Variants in COG5 observed in about 807,000 individuals in gnomAD.
The protein encoded by COG5 is conserved oligomeric Golgi complex subunit 5.
Under a neutral mutation model 110.4 loss-of-function variants are expected in COG5, and 86 were observed. That is an observed-to-expected ratio of 0.78 (90% CI 0.65 to 0.93). COG5 has a LOEUF of 0.93. Ranked by LOEUF, COG5 falls within the 40% of genes least tolerant of loss-of-function variation. COG5 has a pLI of 0.00. For synonymous variants in COG5, 360 were observed against 334.6 expected, an observed-to-expected ratio of 1.08 and a Z score of -0.83; for missense variants, 1,077 against 987.0, an observed-to-expected ratio of 1.09 and a Z score of -1.22.
At chr7:107,314,796 T>C (rs566726791) in intron 11 of COG5, among the ~76,000 whole-genome samples, 1 of 152,172 alleles carries the variant, frequency 6.6e-6, no homozygotes, top group African/African-American at 2.4e-5. Flanking sequence ...ATGCAGGATT[T>C]TAATCAGAAA....
intron 21 of COG5, among the ~76,000 whole-genome samples, chr7:107,205,990 T>C (rs1204660698): frequency 6.6e-6 from 1 of 151,754 alleles, no homozygotes; most frequent in Non-Finnish European, 1.5e-5. Flanking sequence ...AGACGGAGTC[T>C]TGCTCTGTCG....
At chr7:107,327,137 C>T (rs550944153) in intron 10 of COG5, among the ~76,000 whole-genome samples, 18 of 152,102 alleles carry the variant, frequency 1.2e-4, no homozygotes, top group Middle Eastern at 3.4e-3. Context: ...AAAAAATAAA[C>T]GATCAAGTAT....
At chr7:107,534,224 A>G (rs935729424) in intron 5 of COG5, among the ~76,000 whole-genome samples, 4 of 151,716 alleles carry the variant, frequency 2.6e-5, no homozygotes, top group Admixed American at 1.3e-4. Context: ...ACCAAAAGTT[A>G]AAGACCATCA....
chr7:107,281,264 A>T, intron 14 of COG5, 36 bp downstream of exon 14: 1 of 1,333,678 alleles, frequency 7.5e-7, no homozygotes, highest in Non-Finnish European at 1.1e-6. Context: ...TTTTAAATAA[A>T]ATCATTAAAG....
intron 6 of COG5, among the ~76,000 whole-genome samples, chr7:107,495,879 T>C (rs531746687): frequency 2.7e-4 from 41 of 152,048 alleles, no homozygotes; most frequent in Admixed American, 2.2e-3. Context: ...CCAGACTAGA[T>C]GACTTCACAG....
At chr7:107,558,398 GACCAGCCTGGCCA>G in intron 1 of COG5, among the ~76,000 whole-genome samples, 1 of 151,874 alleles carries the variant, frequency 6.6e-6, no homozygotes, top group South Asian at 2.1e-4. Flanking sequence ...AGGTGTTCAA[GACCAGCCTGGCCA>G]ACATGGTGAA....
chr7:107,521,080 T>C (rs1053255929), intron 6 of COG5, among the ~76,000 whole-genome samples: 1 of 152,246 alleles, frequency 6.6e-6, no homozygotes. Context: ...CTGGGAAAAC[T>C]GGCTAGCCGT....
intron 6 of COG5, among the ~76,000 whole-genome samples, chr7:107,514,329 T>TACACACACACACAC (rs61351697): frequency 6.2e-5 from 9 of 145,742 alleles, no homozygotes; most frequent in African/African-American, 2.3e-4. Context: ...TGGCCTATTT[T>TACACACACACACAC]ACACACACAC....
At chr7:107,563,638 G>A in intron 1 of COG5, 165 bp downstream of exon 1, 1 of 755,664 alleles carries the variant, frequency 1.3e-6, no homozygotes, top group Non-Finnish European at 2.3e-6. Flanking sequence ...AGAGTAAATA[G>A]GTTGGCTAGA....
intron 11 of COG5, among the ~76,000 whole-genome samples, chr7:107,305,242 CTGT>C (rs1158952976): frequency 3.3e-5 from 5 of 152,138 alleles, no homozygotes; most frequent in African/African-American, 9.7e-5. Context: ...AGAGAACTGC[CTGT>C]TGTTTGGAGG....
chr7:107,528,986 T>C (rs1312914357), intron 5 of COG5, among the ~76,000 whole-genome samples: 1 of 144,446 alleles, frequency 6.9e-6, no homozygotes, highest in African/African-American at 2.7e-5. Flanking sequence ...CATGTTTACC[T>C]GACTGCTTTT....
At chr7:107,553,057 C>T (rs1207809664) in intron 3 of COG5, among the ~76,000 whole-genome samples, 3 of 152,084 alleles carry the variant, frequency 2.0e-5, no homozygotes, top group African/African-American at 7.2e-5. Context: ...GGGAGCTAAA[C>T]ATTGGGTACT....
intron 11 of COG5, among the ~76,000 whole-genome samples, chr7:107,322,477 A>T (rs1212559398): frequency 1.3e-5 from 2 of 152,176 alleles, no homozygotes; most frequent in African/African-American, 2.4e-5. Context: ...AGCCCAAATG[A>T]ACTAAGAAAG....
At chr7:107,364,767 G>A (rs1813446780) in intron 8 of COG5, among the ~76,000 whole-genome samples, 1 of 152,114 alleles carries the variant, frequency 6.6e-6, no homozygotes, top group Non-Finnish European at 1.5e-5. Flanking sequence ...TGTACCTTTA[G>A]CAAACAGATG....
intron 7 of COG5, among the ~76,000 whole-genome samples, chr7:107,389,722 T>C (rs932243398): frequency 6.6e-6 from 1 of 152,120 alleles, no homozygotes; most frequent in Non-Finnish European, 1.5e-5. Context: ...CAGCATTTCA[T>C]TGCCACGTCC....
intron 17 of COG5, among the ~76,000 whole-genome samples, chr7:107,243,611 T>C (rs1801823073): frequency 6.6e-6 from 1 of 150,676 alleles, no homozygotes; most frequent in Non-Finnish European, 1.5e-5. Flanking sequence ...AGATAGATCA[T>C]CAAGGCAGAA....
rs530323655 is a variant in COG5, at chr7:107,414,703, CTTTTTTTTTTTTTTTTTTTTTTTTTTT to C, written c.539-2098_539-2072del. Among the ~76,000 whole-genome samples the C allele has an allele frequency of 1.6e-4, 10 of 61,716 alleles. No homozygotes were observed. In the East Asian group the frequency reaches 2.0e-3, roughly 12 times the overall value. The allele number at this position is 61,716 out of a possible 152,430, so 40.5% of individuals were successfully genotyped here. A position where few individuals can be genotyped will look rare whatever the true frequency, so the allele number is the denominator to read the frequency against. ...ATTGATTCCAAAATCCTCACTGTCC[CTTTTTTTTTTTTTTTTTTTTTTTTTTT>C]TTTTTTTTTTTTTCCGAGACTCAGT... On this transcript the variant is annotated intron_variant, in intron 6 of 21. Coordinates refer to ENST00000297135, the MANE Select transcript of COG5 (RefSeq NM_006348.5).
chr7:107,388,682 A>G (rs1790382532), intron 7 of COG5, among the ~76,000 whole-genome samples: 1 of 152,232 alleles, frequency 6.6e-6, no homozygotes, highest in Non-Finnish European at 1.5e-5. Flanking sequence ...TAAAACCTGC[A>G]GTTTCATGGA....
chr7:107,208,036 A>G (rs919531930), intron 21 of COG5: 1 of 985,318 alleles, frequency 1.0e-6, no homozygotes, highest in Non-Finnish European at 1.2e-6. Flanking sequence ...CTACAGGGGA[A>G]AGAAATTCAT....
Sources: allele counts gnomAD v4.1 joint callset (sites outside exome capture counted in the v4.1 genomes callset), GRCh38; gene constraint gnomAD v4.1.1; transcripts MANE v1.5; gene names NCBI Gene and HGNC (gene_info 2026-07-23, HGNC 2026-07-21).